The following UIMC1 variants were observed in gnomAD, a reference collection of about 807,000 sequenced individuals.
The protein encoded by UIMC1 is BRCA1-A complex subunit RAP80.
Under a neutral mutation model 84.9 loss-of-function variants are expected in UIMC1, and 42 were observed. That is an observed-to-expected ratio of 0.49 (90% CI 0.39 to 0.64). UIMC1 has a LOEUF of 0.64. Ranked by LOEUF, UIMC1 falls within the 30% of genes least tolerant of loss-of-function variation. The probability of loss-of-function intolerance (pLI) is 0.00; values close to 1 mark genes in which losing one functional copy is unlikely to be tolerated. For missense variants in UIMC1, 825 were observed against 847.6 expected (o/e 0.97, Z 0.33); for synonymous variants, 281 against 293.0 (o/e 0.96, Z 0.42).
chr5:176,927,444 G>T (rs1447402855), intron 10 of UIMC1, among the ~76,000 whole-genome samples: 1 of 151,906 alleles, frequency 6.6e-6, no homozygotes, highest in African/African-American at 2.4e-5. Flanking sequence ...AGTAGAGATG[G>T]TGTTTCACCA....
chr5:176,978,107 CA>C (rs1391258828), intron 2 of UIMC1, among the ~76,000 whole-genome samples: 1 of 152,026 alleles, frequency 6.6e-6, no homozygotes, highest in African/African-American at 2.4e-5. Context: ...TGCGGTGACT[CA>C]CGCCTGTAAT....
intron 1 of UIMC1, among the ~76,000 whole-genome samples, chr5:176,998,281 T>C (rs1419215354): frequency 2.6e-5 from 4 of 151,840 alleles, no homozygotes; most frequent in East Asian, 1.9e-4. Context: ...CTGGCCAACG[T>C]GGTGAAACCC....
intron 3 of UIMC1, among the ~76,000 whole-genome samples, chr5:176,974,216 G>A (rs1769705813): frequency 6.6e-6 from 1 of 152,074 alleles, no homozygotes; most frequent in Non-Finnish European, 1.5e-5. Context: ...GTGTGGTATG[G>A]CATAATGACA....
Position 176,905,144 on chromosome 5 carries a change from C to G in UIMC1, c.*138G>C. On this transcript the variant is annotated 3_prime_UTR_variant, in exon 15 of 15. Coordinates refer to ENST00000511320, the MANE Select transcript of UIMC1 (RefSeq NM_001199298.2). ...CATAGATCATAAAAAACATAAAAACCAGAATGCTGGGTAGGTGCTGGTGGT... is the reference window on the plus strand; with the variant it reads ...CATAGATCATAAAAAACATAAAAACGAGAATGCTGGGTAGGTGCTGGTGGT... The G allele has an allele frequency of 2.5e-6, 2 of 792,376 alleles. No individual in the cohort carries two copies. The highest frequency in any genetic ancestry group is 2.7e-5 in the East Asian group (1 of 37,246). The allele number at this position is 792,376 out of a possible 1,614,324, so 49.1% of individuals were successfully genotyped here.
chr5:176,989,386 G>A (rs1171079670), intron 1 of UIMC1, among the ~76,000 whole-genome samples: 2 of 152,070 alleles, frequency 1.3e-5, no homozygotes, highest in Non-Finnish European at 2.9e-5. Flanking sequence ...TTAGCCAGGC[G>A]CAGTGGCTCA....
At chr5:176,951,659 C>A (rs984387033) in intron 8 of UIMC1, 82 bp from the exon 9 acceptor site, 8 of 1,059,440 alleles carry the variant, frequency 7.6e-6, no homozygotes, top group Non-Finnish European at 1.1e-5. Flanking sequence ...CTATTTTCAC[C>A]TAAAGTTTAG....
chr5:176,960,643 CCG>C lies in UIMC1; in HGVS notation c.1201-2491_1201-2490del, dbSNP rs1767257198. ...TCCCCCTCCCCCTCCGTCTCCGTCT[CCG>C]TCTCCGTCTCCGTCTCCGTCTCCCC... On this transcript the variant is annotated intron_variant, in intron 6 of 14. Transcript: ENST00000511320. Among the ~76,000 whole-genome samples, 6 of 30,204 alleles carry C rather than the reference CCG, an allele frequency of 2.0e-4. 2 individuals are homozygous for C. The highest frequency in any genetic ancestry group is 3.5e-4 in the Non-Finnish European group (6 of 17,018). 19.8% of individuals were successfully genotyped at this position (30,204 alleles called of 152,430 possible). A position where few individuals can be genotyped will look rare whatever the true frequency, so the allele number is the denominator to read the frequency against.
chr5:176,933,380 A>T (rs574552479), intron 10 of UIMC1, among the ~76,000 whole-genome samples: 1 of 152,348 alleles, frequency 6.6e-6, no homozygotes, highest in Non-Finnish European at 1.5e-5. Context: ...ACTATGCCAT[A>T]TATTTTTTAA....
intron 1 of UIMC1, among the ~76,000 whole-genome samples, chr5:177,000,214 A>G (rs903617844): frequency 3.3e-5 from 5 of 152,164 alleles, no homozygotes; most frequent in Admixed American, 3.3e-4. Context: ...TCGGCCTCCC[A>G]AAGTGCTGGG....
intron 9 of UIMC1, among the ~76,000 whole-genome samples, chr5:176,950,080 G>A: frequency 6.9e-6 from 1 of 144,842 alleles, no homozygotes; most frequent in Non-Finnish European, 1.5e-5. Flanking sequence ...CAAAATTCCA[G>A]AATATAAAAA....
intron 11 of UIMC1, among the ~76,000 whole-genome samples, 151 bp downstream of exon 11, chr5:176,911,147 AAAGAAAAGAAAAG>A (rs1760130801): frequency 1.4e-5 from 1 of 73,258 alleles, no homozygotes; most frequent in Non-Finnish European, 3.0e-5. Context: ...AAAGAAAAGA[AAAGAAAAGAAAAG>A]AAAAGAAAAG....
intron 1 of UIMC1, among the ~76,000 whole-genome samples, chr5:176,993,059 A>G (rs1006530430): frequency 2.0e-5 from 3 of 151,392 alleles, no homozygotes; most frequent in African/African-American, 7.3e-5. Flanking sequence ...GGTGGTGTGC[A>G]CCTATAATCC....
intron 1 of UIMC1, among the ~76,000 whole-genome samples, chr5:176,994,978 G>A (rs1482345485): frequency 6.6e-6 from 1 of 151,982 alleles, no homozygotes; most frequent in Non-Finnish European, 1.5e-5. Flanking sequence ...GCAGTGTGCT[G>A]GGAGAGTATC....
At chr5:177,002,865 T>C (rs140692492) in intron 1 of UIMC1, among the ~76,000 whole-genome samples, 3 of 152,038 alleles carry the variant, frequency 2.0e-5, no homozygotes, top group Non-Finnish European at 4.4e-5. Context: ...AACCAGAATA[T>C]ATCATTATGA....
intron 10 of UIMC1, among the ~76,000 whole-genome samples, chr5:176,914,370 C>T (rs1760700438): frequency 6.6e-6 from 1 of 152,090 alleles, no homozygotes; most frequent in Admixed American, 6.6e-5. Context: ...AGGATATGGC[C>T]AAGGACAAAA....
chr5:177,001,063 T>C (rs1561923639), intron 1 of UIMC1, among the ~76,000 whole-genome samples: 2 of 152,214 alleles, frequency 1.3e-5, no homozygotes, highest in Non-Finnish European at 2.9e-5. Context: ...TATGGGATAT[T>C]ACTCAAGAAG....
chr5:176,959,986 G>A (rs1176868382), intron 6 of UIMC1, among the ~76,000 whole-genome samples: 4 of 152,034 alleles, frequency 2.6e-5, no homozygotes, highest in Non-Finnish European at 4.4e-5. Context: ...AGCCAAGATC[G>A]TGCTATTGCA....
chr5:176,950,353 C>T (rs1419384313), intron 9 of UIMC1, among the ~76,000 whole-genome samples: 1 of 151,020 alleles, frequency 6.6e-6, no homozygotes, highest in African/African-American at 2.4e-5. Flanking sequence ...CTGCCTCACC[C>T]TCCCAAAGTG....
intron 9 of UIMC1, among the ~76,000 whole-genome samples, chr5:176,947,240 T>G (rs1163042592): frequency 6.6e-6 from 1 of 152,172 alleles, no homozygotes; most frequent in Non-Finnish European, 1.5e-5. Flanking sequence ...AAAAGTCTAT[T>G]TAAGTATTAA....
Sources: gnomAD v4.1 joint callset for allele counts (sites outside exome capture counted in the v4.1 genomes callset) on GRCh38, gnomAD v4.1.1 for gene constraint, MANE v1.5 for transcripts, NCBI Gene and HGNC (gene_info 2026-07-23, HGNC 2026-07-21) for gene names.